SCARA3: variants seen among roughly 807,000 people sequenced by gnomAD.
The protein encoded by SCARA3 is scavenger receptor class A member 3.
In SCARA3, 39 loss-of-function variants were observed where a neutral mutation model predicts 47.0. The ratio of observed to expected loss-of-function variants is 0.83; its 90% CI spans 0.64 to 1.08. The LOEUF (loss-of-function observed/expected upper bound fraction) is 1.08, where lower values mean the gene tolerates loss of function less well. Among genes scored for constraint, SCARA3 ranks in the 50% least tolerant of loss-of-function variants. The probability of loss-of-function intolerance (pLI) is 0.00; values close to 1 mark genes in which losing one functional copy is unlikely to be tolerated. For missense variants in SCARA3, 724 were observed against 792.3 expected, an observed-to-expected ratio of 0.91 and a Z score of 1.04; for synonymous variants, 356 against 334.1, an observed-to-expected ratio of 1.07 and a Z score of -0.71.
At chr8:27,680,458 A>T (rs923661110), downstream of SCARA3, among the ~76,000 whole-genome samples, 2 of 152,148 alleles carry the variant, frequency 1.3e-5, no homozygotes, top group Non-Finnish European at 2.9e-5. Context: ...TCAATAACCT[A>T]GATGAGATGG....
At chr8:27,686,569 G>A in the SCARA3 span, among the ~76,000 whole-genome samples, 1 of 152,112 alleles carries the variant, frequency 6.6e-6, no homozygotes, top group African/African-American at 2.4e-5. Context: ...CTATCATGGG[G>A]CCTCCTGGGG....
chr8:27,668,423 C>CCA (rs1802067181), intron 5 of SCARA3, among the ~76,000 whole-genome samples: 1 of 150,790 alleles, frequency 6.6e-6, no homozygotes, highest in African/African-American at 2.4e-5. Context: ...GCCTGTAGTC[C>CCA]CAGCTACTCG....
the SCARA3 span, among the ~76,000 whole-genome samples, chr8:27,700,570 G>A: frequency 1.3e-5 from 2 of 151,082 alleles, no homozygotes; most frequent in Non-Finnish European, 2.9e-5. Flanking sequence ...TCACACCACT[G>A]CACTCCAGCC....
intron 1 of SCARA3, among the ~76,000 whole-genome samples, chr8:27,649,310 C>G (rs1801580064): frequency 6.6e-6 from 1 of 152,146 alleles, no homozygotes; most frequent in Non-Finnish European, 1.5e-5. Flanking sequence ...CAGCCTTGTC[C>G]CTGGAGAAGA....
chr8:27,647,196 G>C (rs1018101686), intron 1 of SCARA3, among the ~76,000 whole-genome samples: 1 of 152,094 alleles, frequency 6.6e-6, no homozygotes, highest in Admixed American at 6.5e-5. Flanking sequence ...CACACACGCA[G>C]GCATGCATGT....
chr8:27,697,081 A>G, the SCARA3 span: 1 of 152,910 alleles, frequency 6.5e-6, no homozygotes, highest in Non-Finnish European at 1.5e-5. Context: ...AAGAAAAAAG[A>G]AAGAACAACC....
rs778978787 is a variant in SCARA3 at position 27,659,182 on chromosome 8, C to T, written c.1012C>T (p.Arg338Cys). The change falls in exon 5 of 6, where the codon CGC becomes TGC. Residue 338 changes from arginine to cysteine, a missense_variant. Physicochemically the swap from Arg to Cys is radical, Grantham distance 180 (BLOSUM62 -3). Coordinates refer to ENST00000301904, the MANE Select transcript of SCARA3 (RefSeq NM_016240.3). Reference protein sequence around the residue: ...LQYHTHYAQNRTVERFESLEG... With the variant: ...LQYHTHYAQNCTVERFESLEG... ...GTACCATACCCACTACGCCCAGAAC[C>T]GCACTGTGGAGAGGTTTGAGTCTCT... 1.5e-5 allele frequency: 24 copies of T among 1,614,032 alleles called. No individual in the cohort carries two copies. Among genetic ancestry groups the T allele is most frequent in the East Asian group, 2.2e-5 (1 of 44,876 alleles).
At chr8:27,689,368 A>G in the SCARA3 span, among the ~76,000 whole-genome samples, 1 of 152,176 alleles carries the variant, frequency 6.6e-6, no homozygotes, top group African/African-American at 2.4e-5. Context: ...GGAAGTTCAC[A>G]AGGAAGAGGA....
At chr8:27,665,510 G>A (rs964300741) in intron 5 of SCARA3, among the ~76,000 whole-genome samples, 1 of 152,188 alleles carries the variant, frequency 6.6e-6, no homozygotes, top group African/African-American at 2.4e-5. Context: ...TTAGCTAAAT[G>A]ACCTGGGGCG....
chr8:27,637,669 G>A (rs1801283874), intron 1 of SCARA3, among the ~76,000 whole-genome samples: 1 of 151,984 alleles, frequency 6.6e-6, no homozygotes, highest in Non-Finnish European at 1.5e-5. Flanking sequence ...CGGTGGCCAG[G>A]GCAGGGGGCA....
chr8:27,635,961 C>T (rs1312339621), intron 1 of SCARA3, among the ~76,000 whole-genome samples: 1 of 152,184 alleles, frequency 6.6e-6, no homozygotes, highest in Non-Finnish European at 1.5e-5. Flanking sequence ...TGGCTTCCTT[C>T]CCTCTGCCTC....
At chr8:27,690,224 T>C in the SCARA3 span, among the ~76,000 whole-genome samples, 1 of 152,312 alleles carries the variant, frequency 6.6e-6, no homozygotes, top group South Asian at 2.1e-4. Flanking sequence ...TCTCTGACAG[T>C]TTCCTCCCAT....
At chr8:27,666,174 C>T (rs1056695198) in intron 5 of SCARA3, among the ~76,000 whole-genome samples, 1 of 152,234 alleles carries the variant, frequency 6.6e-6, no homozygotes, top group African/African-American at 2.4e-5. Flanking sequence ...TTTTTGTTCT[C>T]TCAGCCCTGT....
the SCARA3 span, among the ~76,000 whole-genome samples, chr8:27,715,466 C>T: frequency 4.6e-5 from 7 of 152,110 alleles, no homozygotes; most frequent in African/African-American, 1.2e-4. The surrounding 1 kb of genome is among the most constrained non-coding windows in gnomAD (Gnocchi z 4.2). Flanking sequence ...ATACCCTCCC[C>T]GCCCCACCCA....
At chr8:27,697,058 C>G in the SCARA3 span, among the ~76,000 whole-genome samples, 1 of 151,990 alleles carries the variant, frequency 6.6e-6, no homozygotes, top group African/African-American at 2.4e-5. Flanking sequence ...TCCTGAAAAA[C>G]CTGATTTAAA....
chr8:27,716,866 A>G, the SCARA3 span, among the ~76,000 whole-genome samples: 2 of 152,350 alleles, frequency 1.3e-5, no homozygotes, highest in South Asian at 4.1e-4. Flanking sequence ...TAAAACGAAC[A>G]CCGCCAGGAA....
At chr8:27,659,589 G>C (rs1801847493) in intron 5 of SCARA3, 50 bp downstream of exon 5, 1 of 1,486,016 alleles carries the variant, frequency 6.7e-7, no homozygotes. Context: ...ACTGAGGCTT[G>C]GTGATCTTGC....
chr8:27,672,438 C>T lies in SCARA3; in HGVS notation c.*1087C>T. 1.0e-6 allele frequency: 1 copy of T among 985,096 alleles called. No homozygotes were observed. The highest frequency in any genetic ancestry group is 1.2e-6 in the Non-Finnish European group (1 of 829,594). 61.0% of individuals were successfully genotyped at this position (985,096 alleles called of 1,614,324 possible). ...CCTGAGGCTGGCCTGCCCCATTCCC[C>T]AAGGGGGCTCCTCTGGAGTGGTGGG... is the stretch of plus-strand genomic sequence containing the variant. On this transcript the variant is annotated 3_prime_UTR_variant, in exon 6 of 6. Transcript: ENST00000301904.
chr8:27,676,825 C>T, downstream of SCARA3: 1 of 395,354 alleles, frequency 2.5e-6, no homozygotes, highest in Non-Finnish European at 4.5e-6. Flanking sequence ...TATTTGGACA[C>T]CACTGCTCAA....
Sources: gnomAD v4.1 joint callset for allele counts (sites outside exome capture counted in the v4.1 genomes callset) on GRCh38, gnomAD v4.1.1 for gene constraint, Gnocchi (gnomAD v3.1) non-coding constraint, MANE v1.5 for transcripts, NCBI Gene and HGNC (gene_info 2026-07-23, HGNC 2026-07-21) for gene names.